The following CNOT8 variants were observed in gnomAD, a reference collection of about 807,000 sequenced individuals.
CNOT8 encodes the protein CCR4-NOT transcription complex subunit 8.
CNOT8 carries 18 observed loss-of-function variants against 34.6 expected under a neutral mutation model. The observed-to-expected ratio is 0.52, with a 90% confidence interval of 0.36 to 0.77. CNOT8 has a LOEUF of 0.77. Among genes scored for constraint, CNOT8 ranks in the 30% least tolerant of loss-of-function variants. The probability of loss-of-function intolerance (pLI) is 0.00; values close to 1 mark genes in which losing one functional copy is unlikely to be tolerated. For missense variants in CNOT8, 189 were observed against 347.9 expected, an observed-to-expected ratio of 0.54 and a Z score of 3.63; for synonymous variants, 101 against 118.8, an observed-to-expected ratio of 0.85 and a Z score of 0.98.
chr5:154,865,320 A>G lies in CNOT8; in HGVS notation c.246A>G (p.Thr82=). 1 of 1,613,194 alleles carries G rather than the reference A, an allele frequency of 6.2e-7. No homozygotes were observed. The change falls in exon 3 of 7, where the codon ACA becomes ACG. Residue 82 remains threonine, a synonymous_variant. Transcript: ENST00000285896. ...TTATCCAGCTGGGCCTTACATTCACAAATGAGAAGGGAGAGTATCCTTCTG... is the reference window on the plus strand; with the variant it reads ...TTATCCAGCTGGGCCTTACATTCACGAATGAGAAGGGAGAGTATCCTTCTG... The part of the protein sequence containing the change: ...LKIIQLGLTF[T]NEKGEYPSGI...
In CNOT8 at chr5:154,876,561, A is replaced by ATGAC. The variant is rs1762935661; in HGVS notation, c.*1124_*1127dup. On this transcript the variant is annotated 3_prime_UTR_variant, in exon 7 of 7. Transcript: ENST00000285896. ...TCAAAAGCATATTGTATTTTTTTGA[A>ATGAC]TGACTACAGTATGGACAATTTCAAA... is the stretch of plus-strand genomic sequence containing the variant. The ATGAC allele has an allele frequency of 6.6e-6, 1 of 152,598 alleles. No homozygotes were observed. Among genetic ancestry groups the ATGAC allele is most frequent in the Non-Finnish European group, 1.5e-5 (1 of 68,034 alleles). The allele number at this position is 152,598 out of a possible 1,614,324, so 9.5% of individuals were successfully genotyped here.
intron 6 of CNOT8, 120 bp downstream of exon 6, chr5:154,872,771 A>T (rs1762599732): frequency 4.9e-6 from 2 of 406,430 alleles, no homozygotes; most frequent in East Asian, 3.9e-5. Flanking sequence ...TTATTTATTT[A>T]TTATTTATTT....
At chr5:154,866,192 C>T (rs928292157) in intron 3 of CNOT8, among the ~76,000 whole-genome samples, 1 of 152,086 alleles carries the variant, frequency 6.6e-6, no homozygotes, top group South Asian at 2.1e-4. Context: ...TACAGGGTCT[C>T]GCTTTGTCAC....
At chr5:154,869,467 C>CA (rs1446883738) in intron 3 of CNOT8, among the ~76,000 whole-genome samples, 1 of 140,474 alleles carries the variant, frequency 7.1e-6, no homozygotes, top group East Asian at 2.2e-4. Flanking sequence ...TTTTTTGAGA[C>CA]AGAGTCTTGT....
intron 1 of CNOT8, chr5:154,859,087 T>C (rs912902489): frequency 6.6e-6 from 1 of 152,228 alleles, no homozygotes; most frequent in Non-Finnish European, 1.5e-5. Flanking sequence ...AAGTGGCTTA[T>C]GCAAGGACAC....
intron 1 of CNOT8, among the ~76,000 whole-genome samples, chr5:154,862,462 T>TC (rs1419285078): frequency 2.0e-5 from 3 of 151,774 alleles, no homozygotes; most frequent in Admixed American, 1.3e-4. Context: ...AGAGCAAGAC[T>TC]CCATCTCAAA....
At chr5:154,869,327 C>G (rs1211642549) in intron 3 of CNOT8, among the ~76,000 whole-genome samples, 2 of 151,200 alleles carry the variant, frequency 1.3e-5, no homozygotes, top group African/African-American at 2.4e-5. Context: ...CCATGTTGGT[C>G]AGGCTGGTCT....
chr5:154,865,677 A>T (rs957459706), intron 3 of CNOT8, among the ~76,000 whole-genome samples: 1 of 152,244 alleles, frequency 6.6e-6, no homozygotes, highest in East Asian at 1.9e-4. Flanking sequence ...TTGGGATACC[A>T]CTTCACACCC....
rs1762863019 is a variant in CNOT8 at position 154,875,493 on chromosome 5, G to T, written c.*54G>T. On this transcript the variant is annotated 3_prime_UTR_variant, in exon 7 of 7. Transcript: ENST00000285896. ...ATCCCAGAGTGGTGCTTACTGTGCT[G>T]ACTGTGTACTTATCTTCCCCAAGAG... is the stretch of plus-strand genomic sequence containing the variant. 1.3e-6 allele frequency: 2 copies of T among 1,590,026 alleles called. No individual in the cohort carries two copies. Among genetic ancestry groups the T allele is most frequent in the Non-Finnish European group, 8.6e-7 (1 of 1,168,036 alleles).
Position 154,862,027 on chromosome 5 carries a change from C to T in CNOT8, c.-72-1180C>T, listed in dbSNP as rs1049721524. On this transcript the variant is annotated intron_variant, in intron 1 of 6. Transcript: ENST00000285896. The stretch of plus-strand genomic sequence containing the variant: ...TGTATTTTTATAACCAGGCCTTGTA[C>T]GTTGTTTGCCATAATAATAACAGCA... 2.0e-5 allele frequency among the ~76,000 whole-genome samples: 3 copies of T among 152,038 alleles called. No individual in the cohort carries two copies. In the East Asian group the frequency reaches 5.8e-4, roughly 29 times the overall value.
intron 1 of CNOT8, chr5:154,859,980 AAATT>A (rs1761167064): frequency 6.6e-6 from 1 of 152,212 alleles, no homozygotes; most frequent in Admixed American, 6.5e-5. Flanking sequence ...TATGTAATAA[AAATT>A]AACCCTTAAA....
intron 6 of CNOT8, 116 bp downstream of exon 6, chr5:154,872,767 A>T (rs1045965237): frequency 9.9e-5 from 40 of 404,370 alleles, no homozygotes; most frequent in Non-Finnish European, 1.7e-4. Context: ...TTTTTTATTT[A>T]TTTATTATTT....
intron 1 of CNOT8, among the ~76,000 whole-genome samples, chr5:154,861,455 C>T (rs181289312): frequency 3.3e-5 from 5 of 152,316 alleles, no homozygotes; most frequent in Admixed American, 2.0e-4. Flanking sequence ...TTTGATTTCT[C>T]AGAAGTTTCT....
At chr5:154,868,499 C>G (rs896667941) in intron 3 of CNOT8, among the ~76,000 whole-genome samples, 1 of 151,886 alleles carries the variant, frequency 6.6e-6, no homozygotes, top group Non-Finnish European at 1.5e-5. Flanking sequence ...TCCTGACCCT[C>G]GTGATCCACC....
chr5:154,872,984 G>A lies in CNOT8; in HGVS notation c.729+333G>A, dbSNP rs929541277. On this transcript the variant is annotated intron_variant, in intron 6 of 6. Transcript: ENST00000285896. ...GGGTTTCGCCATGTTGGCCAGGCTG[G>A]TTTCAAACTCTTGACCTCAGGTGAT... 5.3e-5 allele frequency among the ~76,000 whole-genome samples: 8 copies of A among 152,188 alleles called. 1 individual carries two copies. The highest frequency in any genetic ancestry group is 4.6e-4 in the Admixed American group (7 of 15,276).
chr5:154,861,199 A>T (rs1417395868), intron 1 of CNOT8, among the ~76,000 whole-genome samples: 4 of 152,208 alleles, frequency 2.6e-5, no homozygotes, highest in Non-Finnish European at 5.9e-5. Flanking sequence ...AGATAGTGTA[A>T]TTTACTCCAC....
intron 5 of CNOT8, 62 bp downstream of exon 5, chr5:154,871,936 C>G: frequency 6.8e-7 from 1 of 1,468,454 alleles, no homozygotes; most frequent in Non-Finnish European, 9.3e-7. Context: ...GCTGACTTTG[C>G]TTTATTGTTA....
At chr5:154,861,750 G>A (rs913755666) in intron 1 of CNOT8, among the ~76,000 whole-genome samples, 8 of 152,214 alleles carry the variant, frequency 5.3e-5, no homozygotes, top group African/African-American at 1.9e-4. Flanking sequence ...CCAGGCTGGA[G>A]TGCGGTGGCG....
chr5:154,873,829 G>A (rs963611445), intron 6 of CNOT8, among the ~76,000 whole-genome samples: 3 of 152,102 alleles, frequency 2.0e-5, no homozygotes, highest in South Asian at 4.1e-4. Flanking sequence ...GCCCTGGAGG[G>A]TACATTTGTT....
Sources: gnomAD v4.1 joint callset for allele counts (sites outside exome capture counted in the v4.1 genomes callset) on GRCh38, gnomAD v4.1.1 for gene constraint, MANE v1.5 for transcripts, NCBI Gene and HGNC (gene_info 2026-07-23, HGNC 2026-07-21) for gene names.